Variants in P2RY12 observed in about 807,000 individuals in gnomAD.
P2RY12 encodes P2Y purinoceptor 12.
Under a neutral mutation model 4.5 loss-of-function variants are expected in P2RY12, and 3 were observed. The observed-to-expected ratio is 0.67, with a 90% CI of 0.31 to 1.74. The LOEUF (loss-of-function observed/expected upper bound fraction) is 1.74, where lower values mean the gene tolerates loss of function less well. Among genes scored for constraint, P2RY12 ranks in the 40% most tolerant of loss-of-function variants. The probability of loss-of-function intolerance (pLI) is 0.09; values close to 1 mark genes in which losing one functional copy is unlikely to be tolerated. For missense variants in P2RY12, 356 were observed against 407.8 expected (o/e 0.87, Z 1.09); for synonymous variants, 148 against 154.1 (o/e 0.96, Z 0.29).
At chr3:151,367,607 G>T in intron 1 of P2RY12, 9 of 1,558,880 alleles carry the variant, frequency 5.8e-6, no homozygotes, top group Non-Finnish European at 7.9e-6. Context: ...TGCTTACAAG[G>T]TTGTTAGGTA....
intron 1 of P2RY12, chr3:151,380,091 GTTA>G (rs1270376441): frequency 8.5e-6 from 12 of 1,416,684 alleles, no homozygotes; most frequent in Middle Eastern, 3.5e-4. Flanking sequence ...TAGATCTGTT[GTTA>G]TTATTACTTC....
At chr3:151,367,537 G>T in intron 1 of P2RY12, 1 of 947,554 alleles carries the variant, frequency 1.1e-6, no homozygotes, top group Admixed American at 2.6e-5. Context: ...GCTGGTTCAT[G>T]TTGGGATTTG....
In P2RY12 at chr3:151,337,802, C is replaced by T. The variant is rs1560044914; in HGVS notation, c.*15G>A. The T allele has an allele frequency of 6.2e-7, 1 of 1,611,616 alleles. No individual in the cohort carries two copies. Among genetic ancestry groups the T allele is most frequent in the East Asian group, 2.2e-5 (1 of 44,858 alleles). ...TGAACACAAAGAGATTGAAATATTT[C>T]CTTAGTTAATTTGTTTACATTGGAG... On this transcript the variant is annotated 3_prime_UTR_variant, in exon 3 of 3. Coordinates refer to ENST00000302632, the MANE Select transcript of P2RY12 (RefSeq NM_022788.5).
rs369215302 is a variant in P2RY12 at position 151,377,934 on chromosome 3, G to A, written c.-180+6758C>T. The A allele has an allele frequency of 1.4e-4, 190 of 1,378,876 alleles. No homozygotes were observed. The East Asian group carries it at 3.1e-3, about 23-fold the overall frequency. 85.4% of individuals were successfully genotyped at this position (1,378,876 alleles called of 1,614,324 possible). A position where few individuals can be genotyped will look rare whatever the true frequency, so the allele number is the denominator to read the frequency against. ...TGTGTGTCTCATACATCAAAGTTTC[G>A]CTTTGGAGTTTCTGTTATAACTGTG... On this transcript the variant is annotated intron_variant, in intron 1 of 2. Coordinates refer to ENST00000302632, the MANE Select transcript of P2RY12 (RefSeq NM_022788.5).
chr3:151,362,499 T>G (rs1284615023), intron 1 of P2RY12, among the ~76,000 whole-genome samples: 2 of 152,022 alleles, frequency 1.3e-5, no homozygotes, highest in Non-Finnish European at 2.9e-5. Flanking sequence ...CTCCCACACT[T>G]CACTCACGAC....
intron 1 of P2RY12, chr3:151,357,267 C>G (rs1187090504): frequency 1.2e-6 from 2 of 1,613,456 alleles, no homozygotes; most frequent in African/African-American, 2.7e-5. Flanking sequence ...ATCCTCCAGC[C>G]TGGCAGGAAG....
chr3:151,369,261 G>A (rs1413642766), intron 1 of P2RY12, among the ~76,000 whole-genome samples: 2 of 152,144 alleles, frequency 1.3e-5, no homozygotes, highest in African/African-American at 4.8e-5. Context: ...AAAAGAAAAG[G>A]ATAAGTGAGG....
At chr3:151,369,439 A>C in intron 1 of P2RY12, 6 of 1,599,508 alleles carry the variant, frequency 3.8e-6, no homozygotes, top group Non-Finnish European at 5.1e-6. Context: ...TTTGTAGGCA[A>C]ACCTTTCCCT....
chr3:151,338,837 G>A lies in P2RY12; in HGVS notation c.9C>T (p.Ala3=), dbSNP rs201192490. MQ[A]VDNLTSAPGN... is the part of the protein sequence containing the mutation. Reference sequence around the variant, plus strand: ...CAGGCGCAGAGGTGAGGTTGTCGACGGCTTGCATTTCTTGTTGGTTACCTA... The same window carrying A: ...CAGGCGCAGAGGTGAGGTTGTCGACAGCTTGCATTTCTTGTTGGTTACCTA... Residue 3 remains alanine (A), a synonymous_variant, in exon 3 of 3, where the codon GCC becomes GCT. Transcript: ENST00000302632. 1.1e-5 allele frequency: 17 copies of A among 1,613,410 alleles called. No individual in the cohort carries two copies. Among genetic ancestry groups the A allele is most frequent in the East Asian group, 8.9e-5 (4 of 44,864 alleles).
At chr3:151,377,462 T>C (rs1467104309) in intron 1 of P2RY12, among the ~76,000 whole-genome samples, 1 of 152,202 alleles carries the variant, frequency 6.6e-6, no homozygotes, top group African/African-American at 2.4e-5. Flanking sequence ...ATTCATTATA[T>C]GGGAAACGCT....
intron 1 of P2RY12, among the ~76,000 whole-genome samples, chr3:151,347,227 A>T (rs1237729113): frequency 6.6e-6 from 1 of 152,186 alleles, no homozygotes; most frequent in Admixed American, 6.5e-5. Flanking sequence ...AAAGTTTCCT[A>T]CAAAACTAAT....
intron 1 of P2RY12, among the ~76,000 whole-genome samples, chr3:151,346,458 C>T (rs536321958): frequency 6.6e-6 from 1 of 152,270 alleles, no homozygotes; most frequent in East Asian, 1.9e-4. Flanking sequence ...TCACCTCTTA[C>T]TTTAACCGCT....
intron 1 of P2RY12, among the ~76,000 whole-genome samples, chr3:151,361,471 A>G (rs1410444743): frequency 3.3e-5 from 5 of 152,148 alleles, no homozygotes; most frequent in Admixed American, 6.5e-5. Flanking sequence ...GGTACTGTAA[A>G]TTCTGCAGTT....
rs376814368 is a variant in P2RY12 at position 151,372,558 on chromosome 3, A to G, written c.-180+12134T>C. 2.4e-5 allele frequency: 38 copies of G among 1,611,200 alleles called. No individual in the cohort carries two copies. In the Admixed American group the frequency reaches 3.0e-4, roughly 13 times the overall value. On this transcript the variant is annotated intron_variant, in intron 1 of 2. Coordinates refer to ENST00000302632, the MANE Select transcript of P2RY12 (RefSeq NM_022788.5). ...TCTGTGATTTTGCTTTTGTGATTCT[A>G]TTACTTAGGAGATGCCAAAATTGGC...
chr3:151,368,162 C>T lies in P2RY12; in HGVS notation c.-180+16530G>A, dbSNP rs200564154. On this transcript the variant is annotated intron_variant, in intron 1 of 2. Coordinates refer to ENST00000302632, the MANE Select transcript of P2RY12 (RefSeq NM_022788.5). ...CCCCCTTTCCTAGCTTGTGGGGATG[C>T]GGACGCCGAGCCTGGGGCGAGAATG... The T allele has an allele frequency of 2.9e-5, 47 of 1,613,668 alleles. No homozygotes were observed. Among genetic ancestry groups the T allele is most frequent in the South Asian group, 2.2e-4 (20 of 91,074 alleles).
intron 1 of P2RY12, chr3:151,380,337 CTGT>C (rs1712035190): frequency 1.5e-6 from 1 of 687,036 alleles, no homozygotes; most frequent in Admixed American, 3.5e-5. Context: ...TGGCTCATGC[CTGT>C]AATCCCAGCA....
At chr3:151,357,420 G>A (rs2150060439) in intron 1 of P2RY12, 2 of 1,498,172 alleles carry the variant, frequency 1.3e-6, no homozygotes, top group Non-Finnish European at 1.8e-6. Context: ...ATCTCAGAAT[G>A]TATAACTAGT....
chr3:151,368,442 A>G (rs1241277422), intron 1 of P2RY12, among the ~76,000 whole-genome samples: 2 of 152,132 alleles, frequency 1.3e-5, no homozygotes, highest in African/African-American at 2.4e-5. Context: ...ATATCAGGAT[A>G]TATTGAGAAA....
chr3:151,348,751 CAA>C (rs1193269849), intron 1 of P2RY12, among the ~76,000 whole-genome samples: 2 of 152,158 alleles, frequency 1.3e-5, no homozygotes, highest in African/African-American at 4.8e-5. Flanking sequence ...CAGACCGACA[CAA>C]AGACTGAGAG....
Sources: allele counts gnomAD v4.1 joint callset (sites outside exome capture counted in the v4.1 genomes callset), GRCh38; gene constraint gnomAD v4.1.1; transcripts MANE v1.5; gene names NCBI Gene and HGNC (gene_info 2026-07-23, HGNC 2026-07-21).